The following TENM4 variants were observed in gnomAD, a reference collection of about 807,000 sequenced individuals.
TENM4 encodes teneurin-4.
Under a neutral mutation model 243.3 loss-of-function variants are expected in TENM4, and 82 were observed. The observed-to-expected ratio is 0.34, with a 90% CI of 0.28 to 0.40. TENM4 has a LOEUF of 0.40. Ranked by LOEUF, TENM4 falls within the 10% of genes least tolerant of loss-of-function variation. TENM4 has a pLI of 1.00. For missense variants in TENM4, 3,138 were observed against 3,673.3 expected (o/e 0.85, Z 3.77); for synonymous variants, 1,412 against 1,456.3 (o/e 0.97, Z 0.69).
chr11:79,409,819 C>A (rs941234662), intron 1 of TENM4, among the ~76,000 whole-genome samples: 20 of 152,118 alleles, frequency 1.3e-4, no homozygotes, highest in Admixed American at 1.1e-3. Context: ...GGATACATAC[C>A]CCAGCTTTCT....
At chr11:78,867,415 T>A (rs1000789123) in intron 9 of TENM4, among the ~76,000 whole-genome samples, 3 of 152,200 alleles carry the variant, frequency 2.0e-5, no homozygotes, top group Non-Finnish European at 4.4e-5. Flanking sequence ...GTTTTAAATA[T>A]AAGTCATGCT....
intron 1 of TENM4, among the ~76,000 whole-genome samples, chr11:79,299,083 CACAT>C (rs765488025): frequency 1.8e-4 from 25 of 137,248 alleles, no homozygotes; most frequent in African/African-American, 6.0e-4. Context: ...CACACACACA[CACAT>C]ACACACACAC....
chr11:79,069,184 T>A (rs1860343100), intron 5 of TENM4, among the ~76,000 whole-genome samples: 1 of 152,074 alleles, frequency 6.6e-6, no homozygotes, highest in South Asian at 2.1e-4. Flanking sequence ...AATTACTAAG[T>A]TTTCATGTCT....
intron 7 of TENM4, among the ~76,000 whole-genome samples, chr11:78,899,437 TG>T (rs901326335): frequency 2.7e-5 from 4 of 150,166 alleles, no homozygotes; most frequent in African/African-American, 9.8e-5. Flanking sequence ...CAGCTGGGCA[TG>T]GGGGTGGCAC....
chr11:79,288,005 C>G (rs935674388), intron 2 of TENM4, among the ~76,000 whole-genome samples: 1 of 152,214 alleles, frequency 6.6e-6, no homozygotes, highest in African/African-American at 2.4e-5. Flanking sequence ...CCTAATTGAT[C>G]TTTGGTTTCA....
intron 6 of TENM4, among the ~76,000 whole-genome samples, chr11:79,019,426 T>A (rs1318420160): frequency 6.6e-6 from 1 of 152,158 alleles, no homozygotes; most frequent in East Asian, 1.9e-4. Context: ...CTCTTCTACC[T>A]CTATAACCAC....
intron 1 of TENM4, among the ~76,000 whole-genome samples, chr11:79,437,754 C>A (rs1282726251): frequency 6.6e-6 from 1 of 152,208 alleles, no homozygotes; most frequent in Non-Finnish European, 1.5e-5. Flanking sequence ...TCCCCTCCCC[C>A]TCTGCGGTCC....
At chr11:78,852,575 C>T (rs867014205) in intron 12 of TENM4, among the ~76,000 whole-genome samples, 48 of 152,186 alleles carry the variant, frequency 3.2e-4, no homozygotes, top group African/African-American at 7.2e-4. Flanking sequence ...CCCAGCTATT[C>T]GGGAGGCCAA....
chr11:79,048,647 T>C (rs78003803), intron 6 of TENM4, among the ~76,000 whole-genome samples: 3,690 of 152,214 alleles, frequency 0.024, 136 homozygotes, highest in African/African-American at 0.077. Context: ...CCAGATTGTA[T>C]TAACAGAGGT....
chr11:78,831,637 G>A lies in TENM4; in HGVS notation c.1682-17242C>T, dbSNP rs939985036. ...GCAGATGTTTTCAGAATTACAGGTAGTGCAGCGGGGCTGGCACACAGGAGG... is the reference window on the plus strand; with the variant it reads ...GCAGATGTTTTCAGAATTACAGGTAATGCAGCGGGGCTGGCACACAGGAGG... On this transcript the variant is annotated intron_variant, in intron 12 of 33. Coordinates refer to ENST00000278550, the MANE Select transcript of TENM4 (RefSeq NM_001098816.3). Among the ~76,000 whole-genome samples the A allele has an allele frequency of 2.6e-5, 4 of 152,254 alleles. No individual in the cohort carries two copies. In the East Asian group the frequency reaches 7.7e-4, roughly 29 times the overall value.
intron 12 of TENM4, among the ~76,000 whole-genome samples, chr11:78,822,460 T>TGTC (rs745801039): frequency 5.7e-4 from 87 of 152,304 alleles, no homozygotes; most frequent in Non-Finnish European, 1.2e-3. Context: ...CAACCTGAAT[T>TGTC]GTCAGGACTT....
At chr11:78,829,685 T>C (rs907402162) in intron 12 of TENM4, among the ~76,000 whole-genome samples, 5 of 152,188 alleles carry the variant, frequency 3.3e-5, no homozygotes, top group Non-Finnish European at 4.4e-5. Context: ...TCTCTCTGTG[T>C]CTCAGTTTCC....
rs202222876 is a variant in TENM4, at chr11:78,702,445, C to T, written c.4210-42G>A. ...CGATACTCAAATGACTGGCAAGATG[C>T]CCACCACTAATCCATCCCATAGCCC... On this transcript the variant is annotated intron_variant, in intron 27 of 33. Coordinates refer to ENST00000278550, the MANE Select transcript of TENM4 (RefSeq NM_001098816.3). The T allele has an allele frequency of 6.2e-4, 986 of 1,578,630 alleles. 2 individuals are homozygous for T. Among genetic ancestry groups the T allele is most frequent in the Middle Eastern group, 1.6e-3 (8 of 4,888 alleles).
At chr11:79,361,370 G>C (rs963981313) in intron 1 of TENM4, among the ~76,000 whole-genome samples, 1 of 152,182 alleles carries the variant, frequency 6.6e-6, no homozygotes, top group South Asian at 2.1e-4. Context: ...CTACCACAAT[G>C]TCAGATAATT....
intron 4 of TENM4, among the ~76,000 whole-genome samples, chr11:79,086,266 G>A (rs1860809213): frequency 6.6e-6 from 1 of 152,202 alleles, no homozygotes; most frequent in South Asian, 2.1e-4. Flanking sequence ...GCCCAGGCTA[G>A]CCTACTTGTT....
chr11:79,148,162 G>T (rs1862427973), intron 4 of TENM4, among the ~76,000 whole-genome samples: 2 of 152,144 alleles, frequency 1.3e-5, no homozygotes, highest in Admixed American at 1.3e-4. Flanking sequence ...AGTGACCAGG[G>T]TGGGAGCTGC....
chr11:79,348,149 G>C (rs965749312), intron 1 of TENM4, among the ~76,000 whole-genome samples: 2 of 152,136 alleles, frequency 1.3e-5, no homozygotes. Context: ...CATTTTTTGA[G>C]CCTTTTGTGC....
intron 6 of TENM4, among the ~76,000 whole-genome samples, chr11:79,016,498 G>A (rs1858778179): frequency 6.6e-6 from 1 of 152,086 alleles, no homozygotes; most frequent in Non-Finnish European, 1.5e-5. Context: ...TTTTAGTTAT[G>A]TTACGTTTGA....
At chr11:78,741,916 A>G (rs1039469955) in intron 19 of TENM4, among the ~76,000 whole-genome samples, 1 of 152,090 alleles carries the variant, frequency 6.6e-6, no homozygotes, top group Admixed American at 6.5e-5. Context: ...CCAGTCCTCT[A>G]TTTGACATGA....
Sources: gnomAD v4.1 joint callset for allele counts (sites outside exome capture counted in the v4.1 genomes callset) on GRCh38, gnomAD v4.1.1 for gene constraint, MANE v1.5 for transcripts, NCBI Gene and HGNC (gene_info 2026-07-23, HGNC 2026-07-21) for gene names.